ADRA1B: variants seen among roughly 807,000 people sequenced by gnomAD.
ADRA1B encodes adrenoceptor alpha 1B.
Under a neutral mutation model 17.9 loss-of-function variants are expected in ADRA1B, and 17 were observed. That is an observed-to-expected ratio of 0.95 (90% CI 0.65 to 1.42). ADRA1B has a LOEUF of 1.42. Ranked by LOEUF, ADRA1B falls within the 40% of genes most tolerant of loss-of-function variation. The pLI, the probability that ADRA1B is intolerant of heterozygous loss-of-function variation, is 0.00. For missense variants in ADRA1B, 681 were observed against 722.1 expected (o/e 0.94, Z 0.65); for synonymous variants, 366 against 327.6 (o/e 1.12, Z -1.27).
intron 1 of ADRA1B, among the ~76,000 whole-genome samples, chr5:159,877,296 A>T (rs1753813868): frequency 6.6e-6 from 1 of 152,028 alleles, no homozygotes; most frequent in Non-Finnish European, 1.5e-5. Context: ...ACCTCAGAAG[A>T]CCCGGGGACA....
At chr5:159,900,123 T>C (rs1561585521) in intron 1 of ADRA1B, among the ~76,000 whole-genome samples, 1 of 152,206 alleles carries the variant, frequency 6.6e-6, no homozygotes, top group Admixed American at 6.5e-5. Flanking sequence ...AGTAGTACTG[T>C]TTCAACTACA....
intron 1 of ADRA1B, among the ~76,000 whole-genome samples, chr5:159,918,635 G>T (rs184538825): frequency 6.6e-6 from 1 of 152,346 alleles, no homozygotes; most frequent in African/African-American, 2.4e-5. Context: ...TGGTAAGATG[G>T]AATTCAGTGC....
At chr5:159,931,670 G>A (rs1561597325) in intron 1 of ADRA1B, among the ~76,000 whole-genome samples, 1 of 152,178 alleles carries the variant, frequency 6.6e-6, no homozygotes, top group Non-Finnish European at 1.5e-5. Context: ...TATAATAAAT[G>A]ACAGAATTTA....
chr5:159,971,103 CTT>C (rs1186524702), intron 1 of ADRA1B, among the ~76,000 whole-genome samples: 1 of 152,158 alleles, frequency 6.6e-6, no homozygotes, highest in Non-Finnish European at 1.5e-5. Context: ...CACTCAGCCT[CTT>C]TGCGGTTTTT....
In ADRA1B at chr5:159,966,934, G is replaced by A. The variant is rs114851840; in HGVS notation, c.950-4945G>A. On this transcript the variant is annotated intron_variant, in intron 1 of 1. Coordinates refer to ENST00000306675, the MANE Select transcript of ADRA1B (RefSeq NM_000679.4). ...GTAGGATGTAATGCAGCCCTTGTGG[G>A]GTGGGGAGAGAAGTGAAATAGCACC... Among the ~76,000 whole-genome samples, 1,203 of 152,258 alleles carry A rather than the reference G, an allele frequency of 7.9e-3. 12 individuals are homozygous for A. The highest frequency in any genetic ancestry group is 0.028 in the African/African-American group (1,149 of 41,540).
At chr5:159,898,162 G>T (rs1239064366) in intron 1 of ADRA1B, among the ~76,000 whole-genome samples, 1 of 152,176 alleles carries the variant, frequency 6.6e-6, no homozygotes, top group Non-Finnish European at 1.5e-5. Flanking sequence ...AGTTGTGTTG[G>T]CATCTGGGTC....
chr5:159,974,845 A>G (rs1054480165), downstream of ADRA1B, among the ~76,000 whole-genome samples: 1 of 151,930 alleles, frequency 6.6e-6, no homozygotes, highest in Non-Finnish European at 1.5e-5. Flanking sequence ...TTCTAGGCCA[A>G]CTCCCTCAAT....
At position 159,906,235 on chromosome 5, in the gene ADRA1B, C is replaced by T. The variant is rs549102501; in HGVS notation, c.-255-9884C>T. Among the ~76,000 whole-genome samples, 15 of 152,290 alleles carry T rather than the reference C, an allele frequency of 9.8e-5. No individual in the cohort carries two copies. The East Asian group carries it at 2.7e-3, about 27-fold the overall frequency. On this transcript the variant is annotated intron_variant, in intron 1 of 2. Coordinates refer to the ADRA1B transcript ENST00000641205. ...AAAACCTGGGTTTAAGACCTGCATC[C>T]TATAAGAATCCTCTCTATGAGACAT... is the stretch of plus-strand genomic sequence containing the variant.
intron 1 of ADRA1B, among the ~76,000 whole-genome samples, chr5:159,876,587 G>A (rs1163251860): frequency 1.3e-5 from 2 of 152,176 alleles, no homozygotes; most frequent in Middle Eastern, 3.2e-3. Flanking sequence ...TCAGCAGAGG[G>A]GGGTCCATCT....
rs556250947 is a variant in ADRA1B, at chr5:159,903,958, C to A, written c.-255-12161C>A. On this transcript the variant is annotated intron_variant, in intron 1 of 2. Coordinates refer to the ADRA1B transcript ENST00000641205. Reference sequence around the variant, plus strand: ...TCACCTGACCTGTACACACACACACCTGTATGTGTGTGTGCACGTGCATGT... The same window carrying A: ...TCACCTGACCTGTACACACACACACATGTATGTGTGTGTGCACGTGCATGT... Among the ~76,000 whole-genome samples, 3 of 152,094 alleles carry A rather than the reference C, an allele frequency of 2.0e-5. No individual in the cohort carries two copies. The East Asian group carries it at 5.8e-4, about 29-fold the overall frequency.
intron 1 of ADRA1B, among the ~76,000 whole-genome samples, chr5:159,895,410 C>T (rs1311075297): frequency 6.6e-6 from 1 of 152,166 alleles, no homozygotes; most frequent in African/African-American, 2.4e-5. Flanking sequence ...AGCTTCACCA[C>T]CTGGAACAAG....
chr5:159,908,011 T>C (rs1371509905), intron 1 of ADRA1B, among the ~76,000 whole-genome samples: 1 of 151,210 alleles, frequency 6.6e-6, no homozygotes, highest in African/African-American at 2.4e-5. Context: ...ATGGGACCAA[T>C]AATTTTTGCC....
chr5:159,943,388 T>G (rs1399988536), intron 1 of ADRA1B, among the ~76,000 whole-genome samples: 1 of 152,160 alleles, frequency 6.6e-6, no homozygotes, highest in Non-Finnish European at 1.5e-5. Context: ...AGAAACAAAC[T>G]TACCTCTTAA....
intron 1 of ADRA1B, among the ~76,000 whole-genome samples, chr5:159,930,805 C>A (rs1269670419): frequency 6.6e-6 from 1 of 151,712 alleles, no homozygotes; most frequent in Admixed American, 6.6e-5. Context: ...GTGCAATAAG[C>A]AAATACTCTA....
chr5:159,947,659 G>C (rs1029936195), intron 1 of ADRA1B: 1 of 964,426 alleles, frequency 1.0e-6, no homozygotes, highest in Non-Finnish European at 1.2e-6. Flanking sequence ...AATGAAATGG[G>C]GGACCTGGCT....
At chr5:159,987,107 G>A in the ADRA1B span, among the ~76,000 whole-genome samples, 1 of 152,162 alleles carries the variant, frequency 6.6e-6, no homozygotes, top group Non-Finnish European at 1.5e-5. Context: ...CCGGGCCTAC[G>A]GGCTAAAGGA....
intron 1 of ADRA1B, among the ~76,000 whole-genome samples, chr5:159,897,113 A>G (rs935230483): frequency 6.6e-6 from 1 of 152,212 alleles, no homozygotes; most frequent in African/African-American, 2.4e-5. Context: ...CAGAGCTGGG[A>G]GGAAAATGCA....
At chr5:159,944,708 A>T (rs1167844935) in intron 1 of ADRA1B, among the ~76,000 whole-genome samples, 2 of 150,820 alleles carry the variant, frequency 1.3e-5, no homozygotes, top group Admixed American at 6.6e-5. Context: ...ACCCTGGGGG[A>T]GATGGGGGGT....
At chr5:159,914,196 C>T (rs936054293), upstream of ADRA1B, among the ~76,000 whole-genome samples, 1 of 152,322 alleles carries the variant, frequency 6.6e-6, no homozygotes, top group African/African-American at 2.4e-5. Flanking sequence ...TGCAGACAGA[C>T]TAGTCTGAGC....
Sources: allele counts gnomAD v4.1 joint callset (sites outside exome capture counted in the v4.1 genomes callset), GRCh38; gene constraint gnomAD v4.1.1; transcripts MANE v1.5; gene names NCBI Gene and HGNC (gene_info 2026-07-23, HGNC 2026-07-21).